The following DDAH1 variants were observed in gnomAD, a reference collection of about 807,000 sequenced individuals.
DDAH1 encodes N(G),N(G)-dimethylarginine dimethylaminohydrolase 1.
Under a neutral mutation model 28.8 loss-of-function variants are expected in DDAH1, and 19 were observed. The ratio of observed to expected loss-of-function variants is 0.66; its 90% CI spans 0.46 to 0.97. The LOEUF is 0.97. DDAH1 is among the 50% of genes least tolerant of loss of function. DDAH1 has a pLI of 0.00. For missense variants in DDAH1, 326 were observed against 375.9 expected, an observed-to-expected ratio of 0.87 and a Z score of 1.10; for synonymous variants, 153 against 154.4, an observed-to-expected ratio of 0.99 and a Z score of 0.07.
At chr1:85,576,471 G>A (rs555096975) in intron 1 of DDAH1, among the ~76,000 whole-genome samples, 1 of 152,200 alleles carries the variant, frequency 6.6e-6, no homozygotes, top group Non-Finnish European at 1.5e-5. Context: ...GAAACCGAGA[G>A]CCAGCTTTAC....
intron 1 of DDAH1, among the ~76,000 whole-genome samples, chr1:85,557,703 G>A (rs1247755731): frequency 6.6e-6 from 1 of 152,200 alleles, no homozygotes; most frequent in Non-Finnish European, 1.5e-5. Flanking sequence ...TGTATTTGGA[G>A]ATAGGGTCTT....
At chr1:85,450,703 T>G (rs192448542) in intron 1 of DDAH1, among the ~76,000 whole-genome samples, 1 of 152,204 alleles carries the variant, frequency 6.6e-6, no homozygotes, top group African/African-American at 2.4e-5. Context: ...CTGAAACTTT[T>G]GAGTTGCCTG....
chr1:85,526,075 G>A lies in DDAH1; in HGVS notation c.-122-29794C>T, dbSNP rs565948977. On this transcript the variant is annotated intron_variant, in intron 1 of 6. Coordinates refer to the DDAH1 transcript ENST00000426972. ...CCACAGATTTTGAAGTCAGAAGGCT[G>A]TCTGGTTAAATGGATCCAGAAAAAT... is the stretch of plus-strand genomic sequence containing the variant. Among the ~76,000 whole-genome samples, 623 of 152,292 alleles carry A rather than the reference G, an allele frequency of 4.1e-3. 4 individuals carry two copies. Among genetic ancestry groups the A allele is most frequent in the African/African-American group, 0.014 (594 of 41,552 alleles).
chr1:85,411,289 C>T (rs999090033), intron 1 of DDAH1, among the ~76,000 whole-genome samples: 4 of 152,046 alleles, frequency 2.6e-5, no homozygotes, highest in African/African-American at 7.2e-5. Flanking sequence ...ACATTTGGAA[C>T]AATTGCAGTA....
intron 5 of DDAH1, among the ~76,000 whole-genome samples, chr1:85,322,554 T>A (rs1661396603): frequency 6.6e-6 from 1 of 152,264 alleles, no homozygotes; most frequent in South Asian, 2.1e-4. Flanking sequence ...TAATTAAGAG[T>A]GTTGGAGCCA....
intron 1 of DDAH1, among the ~76,000 whole-genome samples, chr1:85,365,147 G>A (rs1650004325): frequency 6.6e-6 from 1 of 152,112 alleles, no homozygotes; most frequent in South Asian, 2.1e-4. Flanking sequence ...AGAAAACTGG[G>A]GCAGAGTAAG....
chr1:85,380,394 T>C (rs184422081), intron 1 of DDAH1: 57 of 152,334 alleles, frequency 3.7e-4, no homozygotes, highest in Admixed American at 3.7e-3. Flanking sequence ...CAATGAGCAT[T>C]TACCCAGCAT....
At chr1:85,520,680 T>G (rs1657652871) in intron 1 of DDAH1, among the ~76,000 whole-genome samples, 1 of 152,184 alleles carries the variant, frequency 6.6e-6, no homozygotes, top group South Asian at 2.1e-4. Flanking sequence ...ACAATTCAGA[T>G]AGGAAAATGG....
At chr1:85,373,107 G>T (rs1650470542) in intron 1 of DDAH1, among the ~76,000 whole-genome samples, 1 of 152,070 alleles carries the variant, frequency 6.6e-6, no homozygotes, top group Non-Finnish European at 1.5e-5. Flanking sequence ...TGTTTATGCT[G>T]TCAAAACTAA....
At chr1:85,461,509 GCAGGGA>G (rs1365018889) in intron 1 of DDAH1, among the ~76,000 whole-genome samples, 1 of 152,116 alleles carries the variant, frequency 6.6e-6, no homozygotes, top group Non-Finnish European at 1.5e-5. Context: ...ATAGAAAGAG[GCAGGGA>G]CAGGGAAAGG....
At position 85,475,150 on chromosome 1, in the gene DDAH1, A is replaced by G. The variant is rs115777993; in HGVS notation, c.-7+21016T>C. On this transcript the variant is annotated intron_variant, in intron 2 of 6. Coordinates refer to the DDAH1 transcript ENST00000426972. ...GGCTCCACTACTTACTATCTGTACA[A>G]TCCTGGTCAATTAACTTCACATACA... 5.9e-3 allele frequency among the ~76,000 whole-genome samples: 902 copies of G among 152,310 alleles called. 9 individuals carry two copies. The highest frequency in any genetic ancestry group is 0.021 in the African/African-American group (859 of 41,564).
At chr1:85,454,184 T>G (rs1450710715) in intron 1 of DDAH1, among the ~76,000 whole-genome samples, 1 of 152,232 alleles carries the variant, frequency 6.6e-6, no homozygotes, top group Non-Finnish European at 1.5e-5. Flanking sequence ...CTTTCCTGTC[T>G]TAACATAACC....
intron 1 of DDAH1, among the ~76,000 whole-genome samples, chr1:85,409,174 C>T (rs1465408723): frequency 1.3e-5 from 2 of 152,108 alleles, no homozygotes; most frequent in South Asian, 2.1e-4. Flanking sequence ...AGTCTTGGTA[C>T]ATTACATGTG....
At chr1:85,508,043 T>A (rs936556472) in intron 1 of DDAH1, among the ~76,000 whole-genome samples, 3 of 152,216 alleles carry the variant, frequency 2.0e-5, no homozygotes, top group African/African-American at 4.8e-5. Flanking sequence ...TAATACAAAT[T>A]TGTCCCGTAT....
chr1:85,486,361 A>G (rs1656204228), intron 2 of DDAH1, among the ~76,000 whole-genome samples: 1 of 152,194 alleles, frequency 6.6e-6, no homozygotes, highest in South Asian at 2.1e-4. Context: ...GCAAAAGTGA[A>G]AGCCTTCCAA....
chr1:85,424,092 T>G (rs911191146), intron 1 of DDAH1, among the ~76,000 whole-genome samples: 1 of 152,164 alleles, frequency 6.6e-6, no homozygotes, highest in East Asian at 1.9e-4. Flanking sequence ...ATAATTTTTT[T>G]ATATATTATT....
At chr1:85,477,594 T>C (rs557387324) in intron 2 of DDAH1, among the ~76,000 whole-genome samples, 1 of 152,214 alleles carries the variant, frequency 6.6e-6, no homozygotes, top group South Asian at 2.1e-4. Context: ...AGAGATGATA[T>C]ATGACTCACA....
At chr1:85,461,868 G>T (rs1655137925) in intron 1 of DDAH1, among the ~76,000 whole-genome samples, 1 of 152,136 alleles carries the variant, frequency 6.6e-6, no homozygotes, top group South Asian at 2.1e-4. Flanking sequence ...CCAATTCCAT[G>T]CTTGGAAAAG....
chr1:85,385,421 C>G (rs1651205583), intron 1 of DDAH1, among the ~76,000 whole-genome samples: 1 of 152,124 alleles, frequency 6.6e-6, no homozygotes, highest in Non-Finnish European at 1.5e-5. Context: ...TAACAGTTTG[C>G]TTTTAAGAAA....
Sources: allele counts gnomAD v4.1 joint callset (sites outside exome capture counted in the v4.1 genomes callset), GRCh38; gene constraint gnomAD v4.1.1; transcripts MANE v1.5; gene names NCBI Gene and HGNC (gene_info 2026-07-23, HGNC 2026-07-21).